The following PDZRN4 variants were observed in gnomAD, a reference collection of about 807,000 sequenced individuals.
The protein encoded by PDZRN4 is PDZ domain containing ring finger 4, also known as PDZ domain-containing RING finger protein 4.
In PDZRN4, 70 loss-of-function variants were observed where a neutral mutation model predicts 99.0. The observed-to-expected ratio is 0.71, with a 90% CI of 0.58 to 0.86. PDZRN4 has a LOEUF of 0.86. Among genes scored for constraint, PDZRN4 ranks in the 40% least tolerant of loss-of-function variants. The probability of loss-of-function intolerance (pLI) is 0.00; values close to 1 mark genes in which losing one functional copy is unlikely to be tolerated. For synonymous variants in PDZRN4, 551 were observed against 501.6 expected (o/e 1.10, Z -1.32); for missense variants, 1,474 against 1,331.2 (o/e 1.11, Z -1.67).
chr12:41,325,177 A>G (rs1361017424), intron 3 of PDZRN4, among the ~76,000 whole-genome samples: 2 of 152,166 alleles, frequency 1.3e-5, no homozygotes, highest in Non-Finnish European at 2.9e-5. Flanking sequence ...CTTGATAATA[A>G]ATATTCCAGT....
intron 3 of PDZRN4, among the ~76,000 whole-genome samples, chr12:41,469,615 A>G (rs1952965600): frequency 6.6e-6 from 1 of 152,148 alleles, no homozygotes; most frequent in South Asian, 2.1e-4. Flanking sequence ...TTAATTCTGC[A>G]TGCCATAGAC....
At chr12:41,290,418 TATCGCATTTTC>T (rs1298295187) in intron 3 of PDZRN4, among the ~76,000 whole-genome samples, 1 of 152,168 alleles carries the variant, frequency 6.6e-6, no homozygotes, top group Non-Finnish European at 1.5e-5. Context: ...GTCATTGATT[TATCGCATTTTC>T]CAGGAAATTC....
intron 3 of PDZRN4, among the ~76,000 whole-genome samples, chr12:41,419,008 T>C (rs1952469480): frequency 6.6e-6 from 1 of 152,186 alleles, no homozygotes; most frequent in Non-Finnish European, 1.5e-5. Flanking sequence ...GCTATGTAAC[T>C]CCATTCAGAG....
intron 3 of PDZRN4, among the ~76,000 whole-genome samples, chr12:41,479,202 T>C (rs184486475): frequency 7.9e-4 from 120 of 152,310 alleles, no homozygotes; most frequent in African/African-American, 2.8e-3. Flanking sequence ...CTGACTTGGA[T>C]GTGGGTATCT....
intron 3 of PDZRN4, among the ~76,000 whole-genome samples, chr12:41,220,547 C>A (rs1266545035): frequency 6.6e-6 from 1 of 152,096 alleles, no homozygotes; most frequent in African/African-American, 2.4e-5. Context: ...CATCAAGTAG[C>A]ACTCAGTAAC....
chr12:41,340,299 A>G (rs1014588321), intron 3 of PDZRN4, among the ~76,000 whole-genome samples: 1 of 152,056 alleles, frequency 6.6e-6, no homozygotes, highest in Non-Finnish European at 1.5e-5. Context: ...ACTGGAGGAC[A>G]TTATGTTAAG....
At chr12:41,322,278 C>T (rs1357131099) in intron 3 of PDZRN4, among the ~76,000 whole-genome samples, 9 of 151,890 alleles carry the variant, frequency 5.9e-5, no homozygotes, top group Non-Finnish European at 1.0e-4. Flanking sequence ...CCGTCCACCT[C>T]GGCCTCCCAA....
At chr12:41,242,665 G>T (rs1410839175) in intron 3 of PDZRN4, among the ~76,000 whole-genome samples, 3 of 151,988 alleles carry the variant, frequency 2.0e-5, no homozygotes, top group African/African-American at 7.3e-5. Flanking sequence ...AGTTGATTGG[G>T]ATTTCAGACA....
At chr12:41,237,423 T>A (rs1243106843) in intron 3 of PDZRN4, among the ~76,000 whole-genome samples, 2 of 152,162 alleles carry the variant, frequency 1.3e-5, no homozygotes, top group East Asian at 3.8e-4. Context: ...TAAATAAATG[T>A]CTCAATTACA....
At chr12:41,261,364 A>G (rs1951238490) in intron 3 of PDZRN4, among the ~76,000 whole-genome samples, 1 of 152,240 alleles carries the variant, frequency 6.6e-6, no homozygotes, top group South Asian at 2.1e-4. Flanking sequence ...ATTTGTTAGA[A>G]ATCTAATAAC....
intron 3 of PDZRN4, among the ~76,000 whole-genome samples, chr12:41,374,703 C>T (rs1592033198): frequency 6.6e-6 from 1 of 152,130 alleles, no homozygotes; most frequent in African/African-American, 2.4e-5. Context: ...GGGAAGTTGG[C>T]TACCATCTCT....
intron 3 of PDZRN4, among the ~76,000 whole-genome samples, chr12:41,229,271 A>C (rs1229890756): frequency 2.6e-5 from 4 of 151,818 alleles, no homozygotes; most frequent in African/African-American, 9.7e-5. Context: ...TCACTATGGC[A>C]CACCCCAGAA....
In PDZRN4 at chr12:41,478,868, C is replaced by T. The variant is rs570170667; in HGVS notation, c.844-27588C>T. Reference sequence around the variant, plus strand: ...TAATGTTTGATAAACTCTGTTAAAACCATATTACTTCAGAAACACACATAA... The same window carrying T: ...TAATGTTTGATAAACTCTGTTAAAATCATATTACTTCAGAAACACACATAA... On this transcript the variant is annotated intron_variant, in intron 3 of 9. Coordinates refer to ENST00000402685, the MANE Select transcript of PDZRN4 (RefSeq NM_001164595.2). Among the ~76,000 whole-genome samples, 7 of 152,152 alleles carry T rather than the reference C, an allele frequency of 4.6e-5. No individual in the cohort carries two copies. The East Asian group carries it at 1.4e-3, about 29-fold the overall frequency.
intron 3 of PDZRN4, among the ~76,000 whole-genome samples, chr12:41,318,397 T>C (rs1279977367): frequency 1.3e-5 from 2 of 152,176 alleles, no homozygotes; most frequent in Non-Finnish European, 2.9e-5. Flanking sequence ...TGTTTAGAAA[T>C]GATGCATGCT....
chr12:41,193,415 CT>C (rs1566348835), intron 2 of PDZRN4, among the ~76,000 whole-genome samples: 1 of 152,150 alleles, frequency 6.6e-6, no homozygotes, highest in Non-Finnish European at 1.5e-5. Flanking sequence ...CTTCTTGTGA[CT>C]GGCTAAAATG....
At chr12:41,252,559 T>C (rs187355925) in intron 3 of PDZRN4, among the ~76,000 whole-genome samples, 25 of 152,094 alleles carry the variant, frequency 1.6e-4, no homozygotes, top group African/African-American at 5.3e-4. Flanking sequence ...GGCCAACATG[T>C]TGAAACCCCA....
chr12:41,383,332 G>T (rs536997895), intron 3 of PDZRN4, among the ~76,000 whole-genome samples: 43 of 152,306 alleles, frequency 2.8e-4, no homozygotes, highest in African/African-American at 1.0e-3. Flanking sequence ...GAGAAAGAAG[G>T]CAGAAAATCC....
At chr12:41,380,003 C>T (rs1043510342) in intron 3 of PDZRN4, among the ~76,000 whole-genome samples, 11 of 151,958 alleles carry the variant, frequency 7.2e-5, no homozygotes, top group African/African-American at 2.7e-4. Context: ...TTAGCATTTG[C>T]TTGATATATT....
chr12:41,208,499 G>T (rs1950865592), intron 3 of PDZRN4, among the ~76,000 whole-genome samples: 1 of 151,738 alleles, frequency 6.6e-6, no homozygotes, highest in Admixed American at 6.6e-5. Context: ...TTTAATCTTT[G>T]TCAAGCTTTT....
Sources: allele counts gnomAD v4.1 joint callset (sites outside exome capture counted in the v4.1 genomes callset), GRCh38; gene constraint gnomAD v4.1.1; transcripts MANE v1.5; gene names NCBI Gene and HGNC (gene_info 2026-07-23, HGNC 2026-07-21).